ANKDD1A: variants seen among roughly 807,000 people sequenced by gnomAD.
The protein encoded by ANKDD1A is ankyrin repeat and death domain containing 1A.
In ANKDD1A, 59 loss-of-function variants were observed where a neutral mutation model predicts 63.5. That is an observed-to-expected ratio of 0.93 (90% CI 0.75 to 1.15). The LOEUF is 1.15. Among genes scored for constraint, ANKDD1A ranks in the 50% most tolerant of loss-of-function variants. The pLI, the probability that ANKDD1A is intolerant of heterozygous loss-of-function variation, is 0.00. For missense variants in ANKDD1A, 632 were observed against 656.4 expected (o/e 0.96, Z 0.41); for synonymous variants, 266 against 263.9 (o/e 1.01, Z -0.08).
chr15:64,918,181 G>A lies in ANKDD1A; in HGVS notation c.267+667G>A, dbSNP rs1313717167. On this transcript the variant is annotated intron_variant, in intron 3 of 14. Coordinates refer to ENST00000319580, the MANE Select transcript of ANKDD1A (RefSeq NM_182703.6). ...AGTTTGGGACGAGCCTGGATGACAC[G>A]GCGAAACTCCGTCTCTACCAAAAAA... 3.3e-5 allele frequency among the ~76,000 whole-genome samples: 5 copies of A among 152,288 alleles called. No individual in the cohort carries two copies. The East Asian group carries it at 5.8e-4, about 18-fold the overall frequency.
chr15:64,937,485 T>A lies in ANKDD1A; in HGVS notation c.867+3251T>A, dbSNP rs567084128. 3.9e-5 allele frequency among the ~76,000 whole-genome samples: 6 copies of A among 152,176 alleles called. No homozygotes were observed. In the East Asian group the frequency reaches 9.7e-4, roughly 25 times the overall value. On this transcript the variant is annotated intron_variant, in intron 9 of 14. Transcript: ENST00000319580. ...GGCTCACACCTGTAATCCCAGCACT[T>A]TGGGAGGCTGAGGCAGGTGGATCAT...
chr15:64,938,648 A>C (rs2085154929), intron 9 of ANKDD1A, among the ~76,000 whole-genome samples: 1 of 152,200 alleles, frequency 6.6e-6, no homozygotes. Context: ...TGCAACAGAA[A>C]GGATATTCGG....
chr15:64,941,410 C>T (rs776513245), intron 9 of ANKDD1A, among the ~76,000 whole-genome samples: 23 of 152,272 alleles, frequency 1.5e-4, no homozygotes, highest in Non-Finnish European at 2.5e-4. Context: ...ATGGTACCAG[C>T]ATCTTGTAAG....
chr15:64,942,031 G>A (rs1595854572), intron 9 of ANKDD1A, among the ~76,000 whole-genome samples: 1 of 152,270 alleles, frequency 6.6e-6, no homozygotes, highest in Non-Finnish European at 1.5e-5. Context: ...CTGAACTTCA[G>A]TGTTTCTGTT....
chr15:64,946,285 A>C (rs889238319), intron 12 of ANKDD1A, among the ~76,000 whole-genome samples: 3 of 152,200 alleles, frequency 2.0e-5, no homozygotes, highest in African/African-American at 7.2e-5. Context: ...CAAATATCTT[A>C]AACATTCCAA....
intron 14 of ANKDD1A, among the ~76,000 whole-genome samples, chr15:64,952,519 T>C (rs1193439360): frequency 2.6e-4 from 38 of 145,162 alleles, no homozygotes; most frequent in East Asian, 8.6e-4. Context: ...CTTACTTTCT[T>C]CTTCCTTCGT....
chr15:64,921,925 G>A lies in ANKDD1A; in HGVS notation c.272G>A (p.Gly91Glu). ...CCTCTATGTCCTCTCCCCTAGTTTG[G>A]GATGAATGCGCTTCTCCTGTCTGCC... ...GALTEARLCF[G>E]MNALLLSAWF... The change falls in exon 4 of 15, where the codon GGG (glycine) becomes GAG (glutamate). Residue 91 changes from glycine to glutamate, a missense_variant. Coordinates refer to ENST00000319580, the MANE Select transcript of ANKDD1A (RefSeq NM_182703.6). 1 of 1,614,062 alleles carries A rather than the reference G, an allele frequency of 6.2e-7. No individual in the cohort carries two copies. The highest frequency in any genetic ancestry group is 8.5e-7 in the Non-Finnish European group (1 of 1,179,976).
chr15:64,915,124 G>C (rs1019039445), intron 1 of ANKDD1A, among the ~76,000 whole-genome samples: 2 of 152,314 alleles, frequency 1.3e-5, no homozygotes, highest in Non-Finnish European at 2.9e-5. Flanking sequence ...GGCCAACCTG[G>C]TGAAACCCTG....
chr15:64,931,048 C>A, intron 7 of ANKDD1A, 128 bp downstream of exon 7: 1 of 951,926 alleles, frequency 1.1e-6, no homozygotes, highest in Non-Finnish European at 1.5e-6. Context: ...ACTGAGAGCC[C>A]ACCAGGGAAA....
chr15:64,937,346 T>A (rs1024142412), intron 9 of ANKDD1A, among the ~76,000 whole-genome samples: 1 of 152,208 alleles, frequency 6.6e-6, no homozygotes, highest in East Asian at 1.9e-4. Flanking sequence ...TCATTTGTAA[T>A]AGCAAAATAT....
At chr15:64,953,910 TC>T (rs2085365580) in intron 14 of ANKDD1A, among the ~76,000 whole-genome samples, 2 of 2,926 alleles carry the variant, frequency 6.8e-4, no homozygotes, top group African/African-American at 9.0e-4. Flanking sequence ...TCTTCCCTCT[TC>T]TTTCTTCTCT....
chr15:64,927,709 A>C (rs1000609304), intron 6 of ANKDD1A, among the ~76,000 whole-genome samples: 1 of 145,832 alleles, frequency 6.9e-6, no homozygotes, highest in African/African-American at 2.6e-5. Flanking sequence ...GGTTCACACC[A>C]TTCTCCTGCC....
chr15:64,942,672 C>CTT (rs3057944), intron 10 of ANKDD1A, 107 bp downstream of exon 10: 5,800 of 473,210 alleles, frequency 0.012, no homozygotes, highest in South Asian at 0.025. Context: ...TGAGGAATCA[C>CTT]TTTTTTTTTT....
intron 3 of ANKDD1A, among the ~76,000 whole-genome samples, chr15:64,919,469 A>T (rs899332629): frequency 3.3e-5 from 5 of 152,314 alleles, no homozygotes; most frequent in Middle Eastern, 3.4e-3. Flanking sequence ...TTTTTAATTT[A>T]AAAAATATGT....
chr15:64,930,779 ACT>A (rs770539706), intron 6 of ANKDD1A, 41 bp from the exon 7 acceptor site: 61 of 1,577,614 alleles, frequency 3.9e-5, no homozygotes, highest in Non-Finnish European at 5.2e-5. Flanking sequence ...TGATTCTGGG[ACT>A]CTCTGGTCTG....
At position 64,915,835 on chromosome 15, in the gene ANKDD1A, C is replaced by T; in HGVS notation, c.73C>T (p.Gln25Ter). The T allele has an allele frequency of 6.2e-7, 1 of 1,614,068 alleles. No homozygotes were observed. Among genetic ancestry groups the T allele is most frequent in the Non-Finnish European group, 8.5e-7 (1 of 1,179,968 alleles). ...LERQLHEAAR[Q>*]NNVGRMQELI... is the part of the protein sequence containing the mutation. ...GAGGCAGCTCCACGAGGCCGCCCGC[C>T]AGAACAATGTCGGCAGGATGCAGGA... The change falls in exon 2 of 15, where the codon CAG (glutamine) becomes TAG (stop). Residue 25 changes from glutamine to a stop codon, truncating the protein, a stop_gained. Coordinates refer to ENST00000319580, the MANE Select transcript of ANKDD1A (RefSeq NM_182703.6). LOFTEE classifies it high-confidence loss of function.
At chr15:64,920,860 A>G (rs2140366451) in intron 3 of ANKDD1A, among the ~76,000 whole-genome samples, 1 of 152,038 alleles carries the variant, frequency 6.6e-6, no homozygotes, top group South Asian at 2.1e-4. Flanking sequence ...TCTATGGGAG[A>G]TTTAAACAGT....
intron 14 of ANKDD1A, among the ~76,000 whole-genome samples, chr15:64,952,420 T>TTC (rs1289664871): frequency 1.3e-4 from 1 of 7,854 alleles, no homozygotes; most frequent in African/African-American, 3.6e-4. Flanking sequence ...TTCTCCTTCT[T>TTC]AGTTTTCTTC....
chr15:64,924,165 C>T (rs2085029015), intron 4 of ANKDD1A, among the ~76,000 whole-genome samples: 1 of 152,224 alleles, frequency 6.6e-6, no homozygotes, highest in South Asian at 2.1e-4. Flanking sequence ...TGTCTGGAGC[C>T]TCTGCAGGAA....
Sources: allele counts gnomAD v4.1 joint callset (sites outside exome capture counted in the v4.1 genomes callset), GRCh38; gene constraint gnomAD v4.1.1; transcripts MANE v1.5; gene names NCBI Gene and HGNC (gene_info 2026-07-23, HGNC 2026-07-21).